The following PLPP1 variants were observed in gnomAD, a reference collection of about 807,000 sequenced individuals.
PLPP1 encodes the protein phospholipid phosphatase 1, also known as lipid phosphate phosphohydrolase 1a.
Under a neutral mutation model 31.2 loss-of-function variants are expected in PLPP1, and 24 were observed. The observed-to-expected ratio is 0.77, with a 90% CI of 0.56 to 1.08. PLPP1 has a LOEUF of 1.08. Ranked by LOEUF, PLPP1 falls within the 50% of genes least tolerant of loss-of-function variation. The pLI is 0.00. For missense variants in PLPP1, 319 were observed against 342.7 expected (o/e 0.93, Z 0.55); for synonymous variants, 146 against 126.3 (o/e 1.16, Z -1.05).
chr5:55,494,410 A>G lies in PLPP1; in HGVS notation c.59-18960T>C, dbSNP rs1175614797. On this transcript the variant is annotated intron_variant, in intron 1 of 5. Transcript: ENST00000307259. Reference sequence around the variant, plus strand: ...TGGACATATGAAGAACGAAAGTTCCATTGATAGAAATGAGAAGTTGCCAGG... The same window carrying G: ...TGGACATATGAAGAACGAAAGTTCCGTTGATAGAAATGAGAAGTTGCCAGG... 2.0e-5 allele frequency among the ~76,000 whole-genome samples: 3 copies of G among 152,204 alleles called. No individual in the cohort carries two copies. In the East Asian group the frequency reaches 5.8e-4, roughly 29 times the overall value.
intron 4 of PLPP1, among the ~76,000 whole-genome samples, chr5:55,440,877 A>G (rs1235323629): frequency 6.6e-6 from 1 of 152,192 alleles, no homozygotes; most frequent in Non-Finnish European, 1.5e-5. Flanking sequence ...ATCAAAGGGA[A>G]AAACACAGGA....
chr5:55,449,753 A>G (rs1325619517), intron 3 of PLPP1, among the ~76,000 whole-genome samples: 1 of 152,218 alleles, frequency 6.6e-6, no homozygotes, highest in Non-Finnish European at 1.5e-5. Context: ...GAAATTCAGT[A>G]AATTAACTCT....
chr5:55,482,034 T>C (rs1752676320), intron 1 of PLPP1, among the ~76,000 whole-genome samples: 1 of 147,964 alleles, frequency 6.8e-6, no homozygotes. Context: ...TAAATATATA[T>C]TTATTTATAT....
At chr5:55,521,519 AAAAAAACAAAAAAC>A (rs559440692) in intron 1 of PLPP1, among the ~76,000 whole-genome samples, 9 of 152,134 alleles carry the variant, frequency 5.9e-5, no homozygotes, top group East Asian at 1.9e-4. Flanking sequence ...TCTGTCTCAA[AAAAAAACAAAAAAC>A]AAAAAACAAA....
intron 3 of PLPP1, among the ~76,000 whole-genome samples, chr5:55,459,804 C>T (rs950238709): frequency 6.6e-6 from 1 of 152,138 alleles, no homozygotes; most frequent in Non-Finnish European, 1.5e-5. Context: ...GCCTGCCTTT[C>T]CTGCCTCCCT....
chr5:55,516,676 A>G (rs1753560421), intron 1 of PLPP1, among the ~76,000 whole-genome samples: 1 of 152,230 alleles, frequency 6.6e-6, no homozygotes, highest in African/African-American at 2.4e-5. Flanking sequence ...CTGAGATTCA[A>G]ACTCAGACCT....
At chr5:55,511,727 G>GCAAGCTC (rs1753417387) in intron 1 of PLPP1, among the ~76,000 whole-genome samples, 1 of 134,080 alleles carries the variant, frequency 7.5e-6, no homozygotes, top group Non-Finnish European at 1.5e-5. Flanking sequence ...GCAGTGGCGC[G>GCAAGCTC]ATCTCTGCTC....
Position 55,490,859 on chromosome 5 carries a change from T to C in PLPP1, c.59-15409A>G, listed in dbSNP as rs765352364. The C allele has an allele frequency of 5.0e-5, 64 of 1,274,982 alleles. No individual in the cohort carries two copies. The Admixed American group carries it at 9.2e-4, about 18-fold the overall frequency. The allele number at this position is 1,274,982 out of a possible 1,614,324, so 79.0% of individuals were successfully genotyped here. ...AAGCAATCATTCACCATATCAACAC[T>C]GGTGAAGACAGTACTGTGGATTTAC... On this transcript the variant is annotated intron_variant, in intron 1 of 5. Coordinates refer to ENST00000307259, the MANE Select transcript of PLPP1 (RefSeq NM_003711.4).
Position 55,534,790 on chromosome 5 carries a change from G to A in PLPP1, c.-161C>T, listed in dbSNP as rs1006432653. ...AGCCGAGGGCGGGCTGAGACCGGGC[G>A]GCGCTCCCACCGCCAGCAATGGCGC... On this transcript the variant is annotated 5_prime_UTR_variant, in exon 1 of 6. Coordinates refer to ENST00000307259, the MANE Select transcript of PLPP1 (RefSeq NM_003711.4). 19 of 710,402 alleles carry A rather than the reference G, an allele frequency of 2.7e-5. No homozygotes were observed. Among genetic ancestry groups the A allele is most frequent in the African/African-American group, 2.1e-4 (11 of 52,412 alleles). The allele number at this position is 710,402 out of a possible 1,614,324, so 44.0% of individuals were successfully genotyped here. A position where few individuals can be genotyped will look rare whatever the true frequency, so the allele number is the denominator to read the frequency against.
chr5:55,428,498 AAGTTTCCT>A (rs1751264503), intron 4 of PLPP1, among the ~76,000 whole-genome samples: 1 of 152,190 alleles, frequency 6.6e-6, no homozygotes, highest in African/African-American at 2.4e-5. Flanking sequence ...TTGCCAGCAA[AAGTTTCCT>A]ATATGCGTAA....
At chr5:55,436,762 C>T (rs1751502396) in intron 4 of PLPP1, among the ~76,000 whole-genome samples, 1 of 152,094 alleles carries the variant, frequency 6.6e-6, no homozygotes, top group Admixed American at 6.6e-5. Context: ...TTAAAAGAAA[C>T]TAGAAAATTC....
Position 55,434,147 on chromosome 5 carries a change from AAAG to A in PLPP1, c.549+7701_549+7703del, listed in dbSNP as rs1161869081. Among the ~76,000 whole-genome samples the A allele has an allele frequency of 3.3e-5, 5 of 151,774 alleles. No homozygotes were observed. The East Asian group carries it at 7.8e-4, about 24-fold the overall frequency. On this transcript the variant is annotated intron_variant, in intron 4 of 5. Coordinates refer to ENST00000307259, the MANE Select transcript of PLPP1 (RefSeq NM_003711.4). The stretch of plus-strand genomic sequence containing the variant: ...GACTCTGTCTCAAAAAAAAAAAAAA[AAAG>A]AGCAATCCCATTAACAATAGCTACA...
intron 3 of PLPP1, among the ~76,000 whole-genome samples, chr5:55,445,744 C>T (rs1464129208): frequency 6.6e-6 from 1 of 151,848 alleles, no homozygotes; most frequent in Non-Finnish European, 1.5e-5. Context: ...AGGGTTTCAC[C>T]GTGTTGCCCA....
intron 3 of PLPP1, among the ~76,000 whole-genome samples, chr5:55,465,550 TAAAC>T (rs933486420): frequency 7.2e-5 from 11 of 152,268 alleles, no homozygotes; most frequent in South Asian, 2.1e-4. Flanking sequence ...TATCTGATAA[TAAAC>T]AAACAAACAA....
intron 4 of PLPP1, 45 bp from the exon 5 acceptor site, chr5:55,426,084 G>A (rs370435939): frequency 4.5e-5 from 67 of 1,479,268 alleles, no homozygotes; most frequent in East Asian, 1.6e-4. Flanking sequence ...TTAACATAAC[G>A]CAAAACTTTT....
chr5:55,463,802 T>C, intron 3 of PLPP1, among the ~76,000 whole-genome samples: 1 of 146,694 alleles, frequency 6.8e-6, no homozygotes, highest in African/African-American at 2.5e-5. Context: ...AATAAATAAA[T>C]AAATAAATAA....
intron 1 of PLPP1, chr5:55,530,384 C>A: frequency 7.6e-7 from 1 of 1,310,186 alleles, no homozygotes; most frequent in Non-Finnish European, 1.1e-6. Flanking sequence ...CCAGTAAACG[C>A]TCTCTGGTAA....
intron 1 of PLPP1, among the ~76,000 whole-genome samples, chr5:55,517,488 C>T (rs1442176325): frequency 1.3e-5 from 2 of 152,150 alleles, no homozygotes; most frequent in Admixed American, 6.6e-5. Flanking sequence ...TGAGCTACAA[C>T]ACCAGGCCCA....
At chr5:55,429,682 C>T (rs999020123) in intron 4 of PLPP1, among the ~76,000 whole-genome samples, 4 of 152,046 alleles carry the variant, frequency 2.6e-5, no homozygotes, top group African/African-American at 9.7e-5. Flanking sequence ...TTCCCTGAGG[C>T]CCAACAGCCC....
Sources: gnomAD v4.1 joint callset for allele counts (sites outside exome capture counted in the v4.1 genomes callset) on GRCh38, gnomAD v4.1.1 for gene constraint, MANE v1.5 for transcripts, NCBI Gene and HGNC (gene_info 2026-07-23, HGNC 2026-07-21) for gene names.